The following ALG1L2 variants were observed in gnomAD, a reference collection of about 807,000 sequenced individuals.
The protein encoded by ALG1L2 is putative glycosyltransferase ALG1L2.
A neutral mutation model predicts 29.0 loss-of-function variants in ALG1L2; 32 were observed. The observed-to-expected ratio is 1.10, with a 90% CI of 0.83 to 1.48. The LOEUF (loss-of-function observed/expected upper bound fraction) is 1.48, where lower values mean the gene tolerates loss of function less well. Ranked by LOEUF, ALG1L2 falls within the 40% of genes most tolerant of loss-of-function variation. The pLI, the probability that ALG1L2 is intolerant of heterozygous loss-of-function variation, is 0.00. For missense variants in ALG1L2, 318 were observed against 274.1 expected (o/e 1.16, Z -1.13); for synonymous variants, 110 against 109.5 (o/e 1.00, Z -0.03).
intron 1 of ALG1L2, among the ~76,000 whole-genome samples, chr3:130,085,627 C>T (rs1245906586): frequency 6.6e-6 from 1 of 151,474 alleles, no homozygotes; most frequent in African/African-American, 2.4e-5. Context: ...TAATGACTAT[C>T]TCCAAATATG....
intron 3 of ALG1L2, among the ~76,000 whole-genome samples, chr3:130,092,865 A>C (rs1207229754): frequency 6.6e-6 from 1 of 152,030 alleles, no homozygotes; most frequent in African/African-American, 2.4e-5. Flanking sequence ...ACCTGTCTCT[A>C]CTAAAAATAC....
chr3:130,082,061 G>T (rs1262205559), intron 1 of ALG1L2, 25 bp downstream of exon 1: 1 of 1,495,752 alleles, frequency 6.7e-7, no homozygotes, highest in Non-Finnish European at 9.1e-7. Context: ...GGTGCTGGTT[G>T]GATTGCAATG....
At chr3:130,086,160 A>T (rs1470243049) in intron 1 of ALG1L2, among the ~76,000 whole-genome samples, 1 of 151,344 alleles carries the variant, frequency 6.6e-6, no homozygotes, top group African/African-American at 2.4e-5. Context: ...AAAACAAATA[A>T]GAGGTTAATC....
chr3:130,092,802 A>G (rs1055375881), intron 3 of ALG1L2, among the ~76,000 whole-genome samples: 17 of 152,184 alleles, frequency 1.1e-4, no homozygotes, highest in Non-Finnish European at 2.4e-4. Context: ...AGGCCGAGGC[A>G]GGCAGATCAC....
chr3:130,097,189 T>C lies in ALG1L2; in HGVS notation c.554T>C (p.Val185Ala). The C allele has an allele frequency of 2.5e-6, 4 of 1,611,906 alleles. No individual in the cohort carries two copies. The highest frequency in any genetic ancestry group is 1.3e-5 in the African/African-American group (1 of 74,972). The change falls in exon 7 of 8, where the codon GTG (valine) becomes GCG (alanine). Residue 185 changes from valine (V) to alanine (A), a missense_variant. By Grantham distance (64) the Val-to-Ala change is moderately conservative. Transcript: ENST00000425059. The part of the protein sequence containing the change: ...AVNFKCLHEL[V>A]KHEENRLVFE... ...TCTCTCTGCAGTTTACATGAGCTGG[T>C]GAAACATGAAGAAAACCGCCTGGTC...
At chr3:130,092,698 C>A (rs1252452871) in intron 3 of ALG1L2, among the ~76,000 whole-genome samples, 1 of 152,200 alleles carries the variant, frequency 6.6e-6, no homozygotes, top group Non-Finnish European at 1.5e-5. Context: ...AGTGCACTTT[C>A]TCCACCTGAC....
intron 1 of ALG1L2, among the ~76,000 whole-genome samples, chr3:130,083,692 A>T (rs1577323961): frequency 1.4e-5 from 2 of 141,216 alleles, no homozygotes; most frequent in African/African-American, 4.9e-5. Context: ...TAAATAACAA[A>T]TGAAAGCATC....
rs766674098 is a variant in ALG1L2 at position 130,091,247 on chromosome 3, TGA to T, written c.21-13_21-12del. 35 of 1,597,314 alleles carry T rather than the reference TGA, an allele frequency of 2.2e-5. No individual in the cohort carries two copies. The African/African-American group carries it at 3.5e-4, about 16-fold the overall frequency. On this transcript the variant is annotated splice_polypyrimidine_tract_variant and intron_variant, in intron 1 of 7. Coordinates refer to ENST00000425059, the MANE Select transcript of ALG1L2 (RefSeq NM_001136152.1). ...CTGGACTAATGCAATAGCCCTGCCA[TGA>T]TTTCATTGCAGGGCTGTGACCGTCT...
At chr3:130,090,333 C>A (rs530520529) in intron 1 of ALG1L2, among the ~76,000 whole-genome samples, 1 of 152,282 alleles carries the variant, frequency 6.6e-6, no homozygotes, top group Non-Finnish European at 1.5e-5. Context: ...CCAGCCTGGG[C>A]GACAGAGGGA....
chr3:130,082,999 G>A (rs1415376025), intron 1 of ALG1L2, among the ~76,000 whole-genome samples: 5 of 132,796 alleles, frequency 3.8e-5, no homozygotes, highest in African/African-American at 1.0e-4. Context: ...CTGATTCCCT[G>A]TAGTAACCAA....
At position 130,083,443 on chromosome 3, in the gene ALG1L2, G is replaced by A. The variant is rs186887733; in HGVS notation, c.20+1407G>A. 1.5e-4 allele frequency among the ~76,000 whole-genome samples: 18 copies of A among 122,504 alleles called. No individual in the cohort carries two copies. In the East Asian group the frequency reaches 3.4e-3, roughly 23 times the overall value. 80.4% of individuals were successfully genotyped at this position (122,504 alleles called of 152,430 possible). On this transcript the variant is annotated intron_variant, in intron 1 of 7. Transcript: ENST00000425059. ...GGGCAAGAGAGCAAGACTCTGTCTC[G>A]GGAAAAAAACAAAAACAAACAAACA...
chr3:130,086,712 T>C (rs1251706606), intron 1 of ALG1L2, among the ~76,000 whole-genome samples: 2 of 132,338 alleles, frequency 1.5e-5, no homozygotes, highest in Non-Finnish European at 3.5e-5. Flanking sequence ...TGAAGCAAAG[T>C]GGGCCAAAAC....
chr3:130,089,138 C>A (rs142561029), intron 1 of ALG1L2, among the ~76,000 whole-genome samples: 1 of 152,252 alleles, frequency 6.6e-6, no homozygotes, highest in African/African-American at 2.4e-5. Context: ...GGGAAAGGGG[C>A]TAGAGAAGGC....
intron 5 of ALG1L2, 51 bp downstream of exon 5, chr3:130,094,564 G>GGA: frequency 1.7e-6 from 1 of 587,958 alleles, no homozygotes; most frequent in South Asian, 1.6e-5. Flanking sequence ...TATGCAGGGG[G>GGA]AACAGGGGTG....
In ALG1L2 at chr3:130,091,340, CT is replaced by C; in HGVS notation, c.101del (p.Leu34ArgfsTer34). On this transcript the variant is annotated frameshift_variant, in exon 2 of 8. Coordinates refer to ENST00000425059, the MANE Select transcript of ALG1L2 (RefSeq NM_001136152.1). LOFTEE classifies it high-confidence loss of function. The stretch of plus-strand genomic sequence containing the variant: ...CCTGCAGCACCGGCTCTTCATGAAG[CT>C]GGGCAGCACGCACTCTCCGTTCAGG... ...LDLQHRLFMKLGSTHSPFRAR... is the reference protein window; with the variant it reads ...LDLQHRLFMKXGSTHSPFRAR... 1 of 1,597,656 alleles carries C rather than the reference CT, an allele frequency of 6.3e-7. No individual in the cohort carries two copies. The highest frequency in any genetic ancestry group is 8.5e-7 in the Non-Finnish European group (1 of 1,179,762).
rs748693602 is a variant in ALG1L2, at chr3:130,092,162, G to T, written c.193G>T (p.Gly65Trp). The T allele has an allele frequency of 6.2e-7, 1 of 1,613,220 alleles. No homozygotes were observed. Among genetic ancestry groups the T allele is most frequent in the East Asian group, 2.2e-5 (1 of 44,836 alleles). ...SAFTERDSGS[G>W]LVTRLHERPA... ...CTTCACGGAGCGGGATTCTGGGAGC[G>T]GGCTGGTGACGCGTCTCCACGAGCG... The change falls in exon 3 of 8, where the codon GGG (glycine) becomes TGG (tryptophan). Residue 65 changes from glycine (G) to tryptophan (W), a missense_variant. Gly to Trp is a radical substitution (Grantham distance 184). Coordinates refer to ENST00000425059, the MANE Select transcript of ALG1L2 (RefSeq NM_001136152.1).
chr3:130,096,974 T>C (rs1935150275), intron 6 of ALG1L2, among the ~76,000 whole-genome samples: 2 of 151,012 alleles, frequency 1.3e-5, no homozygotes, highest in South Asian at 4.2e-4. Flanking sequence ...CTCAAATCGG[T>C]TTGACCATTT....
At chr3:130,084,324 A>T (rs1416913482) in intron 1 of ALG1L2, among the ~76,000 whole-genome samples, 2 of 148,928 alleles carry the variant, frequency 1.3e-5, no homozygotes, top group African/African-American at 2.4e-5. Flanking sequence ...AAAAGTAAAA[A>T]TGCAAAGAAG....
At chr3:130,084,298 T>A (rs139195913) in intron 1 of ALG1L2, among the ~76,000 whole-genome samples, 4,074 of 144,840 alleles carry the variant, frequency 0.028, 18 homozygotes, top group African/African-American at 0.09. Context: ...TTTCCCCCCC[T>A]CAAAAAAAAT....
Sources: gnomAD v4.1 joint callset for allele counts (sites outside exome capture counted in the v4.1 genomes callset) on GRCh38, gnomAD v4.1.1 for gene constraint, MANE v1.5 for transcripts, NCBI Gene and HGNC (gene_info 2026-07-23, HGNC 2026-07-21) for gene names.